The following HPSE2 variants were observed in gnomAD, a reference collection of about 807,000 sequenced individuals.
HPSE2 encodes heparanase 2 (inactive).
In HPSE2, 38 loss-of-function variants were observed where a neutral mutation model predicts 60.5. That is an observed-to-expected ratio of 0.63 (90% confidence interval 0.48 to 0.82). The LOEUF is 0.82. Among genes scored for constraint, HPSE2 ranks in the 40% least tolerant of loss-of-function variants. The pLI is 0.00. For synonymous variants in HPSE2, 295 were observed against 293.2 expected, an observed-to-expected ratio of 1.01 and a Z score of -0.06; for missense variants, 713 against 740.4, an observed-to-expected ratio of 0.96 and a Z score of 0.43.
chr10:98,913,025 C>T (rs955292931), intron 3 of HPSE2, among the ~76,000 whole-genome samples: 3 of 152,066 alleles, frequency 2.0e-5, no homozygotes, highest in African/African-American at 7.2e-5. Flanking sequence ...ATGCCTATAC[C>T]TAAGTATCTC....
chr10:98,905,164 T>C (rs1953776362), intron 3 of HPSE2, among the ~76,000 whole-genome samples: 2 of 152,080 alleles, frequency 1.3e-5, no homozygotes, highest in Admixed American at 6.5e-5. Flanking sequence ...ACTTCTTCTT[T>C]TTTTTTTTAT....
chr10:99,172,093 T>C (rs567834908), intron 2 of HPSE2, among the ~76,000 whole-genome samples: 20 of 152,308 alleles, frequency 1.3e-4, no homozygotes, highest in Admixed American at 1.2e-3. Context: ...CATGGATATA[T>C]TGTGTGATGC....
intron 3 of HPSE2, among the ~76,000 whole-genome samples, chr10:99,129,809 CAA>C (rs35488447): frequency 3.8e-5 from 5 of 132,514 alleles, no homozygotes; most frequent in African/African-American, 5.9e-5. Flanking sequence ...AAATTGAAAC[CAA>C]AAAAAAAAAA....
intron 9 of HPSE2, among the ~76,000 whole-genome samples, chr10:98,579,661 T>C (rs954066553): frequency 6.6e-6 from 1 of 152,218 alleles, no homozygotes; most frequent in Admixed American, 6.5e-5. Flanking sequence ...TTGTAATCTA[T>C]TCTTTAACCA....
At chr10:98,761,197 T>C (rs1255504222) in intron 3 of HPSE2, among the ~76,000 whole-genome samples, 2 of 152,174 alleles carry the variant, frequency 1.3e-5, no homozygotes, top group East Asian at 3.9e-4. Context: ...GTCTTCTCTC[T>C]TTTTTGTTTA....
chr10:98,940,390 A>G (rs1259943121), intron 3 of HPSE2, among the ~76,000 whole-genome samples: 3 of 143,524 alleles, frequency 2.1e-5, no homozygotes, highest in Non-Finnish European at 3.0e-5. Context: ...ATAAAAAATG[A>G]TAAAGGGGAT....
chr10:99,183,819 T>C (rs908357830), intron 2 of HPSE2, among the ~76,000 whole-genome samples: 2 of 152,140 alleles, frequency 1.3e-5, no homozygotes, highest in African/African-American at 4.8e-5. Context: ...ACCAGAATAG[T>C]TCACTTTGGA....
intron 3 of HPSE2, among the ~76,000 whole-genome samples, chr10:99,064,869 G>C (rs936379220): frequency 2.0e-5 from 3 of 151,772 alleles, no homozygotes; most frequent in Admixed American, 6.6e-5. Flanking sequence ...AAGGAAATGT[G>C]GTAATTCTAG....
chr10:98,870,898 A>G (rs1952712952), intron 3 of HPSE2, among the ~76,000 whole-genome samples: 3 of 151,796 alleles, frequency 2.0e-5, no homozygotes, highest in Admixed American at 2.0e-4. Flanking sequence ...TCCTTGCAGT[A>G]ATGAGTGAGT....
At chr10:98,872,101 T>C (rs777979621) in intron 3 of HPSE2, among the ~76,000 whole-genome samples, 1 of 152,028 alleles carries the variant, frequency 6.6e-6, no homozygotes, top group Non-Finnish European at 1.5e-5. Context: ...TTTTGTGAGG[T>C]CCGTTACTAT....
At chr10:98,628,814 T>C (rs929077284) in intron 7 of HPSE2, among the ~76,000 whole-genome samples, 12 of 151,864 alleles carry the variant, frequency 7.9e-5, no homozygotes, top group East Asian at 3.9e-4. Flanking sequence ...TGTGGACATA[T>C]TGAGGGAGGA....
At chr10:98,900,303 A>C (rs980660506) in intron 3 of HPSE2, among the ~76,000 whole-genome samples, 1 of 152,204 alleles carries the variant, frequency 6.6e-6, no homozygotes, top group Admixed American at 6.5e-5. Flanking sequence ...GTACGGAGTA[A>C]AAGAAGCCAA....
At chr10:98,525,331 A>G (rs1942931649) in intron 9 of HPSE2, among the ~76,000 whole-genome samples, 1 of 152,220 alleles carries the variant, frequency 6.6e-6, no homozygotes, top group African/African-American at 2.4e-5. Context: ...TTTAAAATGT[A>G]GAGGTCCCGC....
chr10:99,235,540 A>AT lies in HPSE2; in HGVS notation c.262dup (p.Ile88AsnfsTer3). The AT allele has an allele frequency of 6.2e-7, 1 of 1,614,142 alleles. No homozygotes were observed. The highest frequency in any genetic ancestry group is 8.5e-7 in the Non-Finnish European group (1 of 1,180,028). On this transcript the variant is annotated frameshift_variant, in exon 1 of 12. Coordinates refer to ENST00000370552, the MANE Select transcript of HPSE2 (RefSeq NM_021828.5). LOFTEE classifies it high-confidence loss of function. Reference sequence around the variant, plus strand: ...TAGGAAATCGAGCCAGCCATCATGAATGATGGACGGATCCAGCTGCAGAGA... The same window carrying AT: ...TAGGAAATCGAGCCAGCCATCATGAATTGATGGACGGATCCAGCTGCAGAGA...
chr10:98,521,435 T>A (rs1942789780), intron 9 of HPSE2, among the ~76,000 whole-genome samples: 1 of 152,180 alleles, frequency 6.6e-6, no homozygotes, highest in African/African-American at 2.4e-5. Context: ...CACAATGAGA[T>A]ACCATCTCAT....
At chr10:99,142,586 T>A (rs889509105) in intron 3 of HPSE2, among the ~76,000 whole-genome samples, 1 of 152,146 alleles carries the variant, frequency 6.6e-6, no homozygotes, top group Non-Finnish European at 1.5e-5. Flanking sequence ...TTAGGAGAAG[T>A]GAGAGCAGGA....
At chr10:98,783,328 T>A (rs1390383706) in intron 3 of HPSE2, among the ~76,000 whole-genome samples, 719 of 26,038 alleles carry the variant, frequency 0.028, no homozygotes, top group Non-Finnish European at 0.039. Flanking sequence ...ATTTTCTTAA[T>A]CCAGTCTATC....
At chr10:99,018,730 A>C (rs1391354769) in intron 3 of HPSE2, among the ~76,000 whole-genome samples, 1 of 152,190 alleles carries the variant, frequency 6.6e-6, no homozygotes, top group African/African-American at 2.4e-5. Flanking sequence ...TTCAATACAA[A>C]GAAAAAGTTG....
intron 4 of HPSE2, among the ~76,000 whole-genome samples, chr10:98,742,896 C>T (rs1483766096): frequency 1.3e-5 from 2 of 150,772 alleles, no homozygotes; most frequent in Admixed American, 1.3e-4. Flanking sequence ...CTCGTTAAAA[C>T]ATTATTATGA....
Sources: allele counts gnomAD v4.1 joint callset (sites outside exome capture counted in the v4.1 genomes callset), GRCh38; gene constraint gnomAD v4.1.1; transcripts MANE v1.5; gene names NCBI Gene and HGNC (gene_info 2026-07-23, HGNC 2026-07-21).